TFEC: variants seen among roughly 807,000 people sequenced by gnomAD.
The protein encoded by TFEC is transcription factor EC.
TFEC carries 31 observed loss-of-function variants against 41.6 expected under a neutral mutation model. The observed-to-expected ratio is 0.74, with a 90% CI of 0.56 to 1.01. The LOEUF (loss-of-function observed/expected upper bound fraction) is 1.01. Ranked by LOEUF, TFEC falls within the 50% of genes least tolerant of loss-of-function variation. The pLI is 0.00. For synonymous variants in TFEC, 143 were observed against 140.6 expected, an observed-to-expected ratio of 1.02 and a Z score of -0.12; for missense variants, 402 against 404.1, an observed-to-expected ratio of 0.99 and a Z score of 0.04.
At chr7:116,010,237 G>A (rs1455750884) in intron 1 of TFEC, among the ~76,000 whole-genome samples, 1 of 152,142 alleles carries the variant, frequency 6.6e-6, no homozygotes, top group Non-Finnish European at 1.5e-5. Flanking sequence ...TTTAATAAAG[G>A]GAGGGGCAAA....
chr7:116,080,976 AGTGTGTGTGTGT>A (rs60317630), intron 3 of TFEC, among the ~76,000 whole-genome samples: 4 of 137,944 alleles, frequency 2.9e-5, no homozygotes, highest in Non-Finnish European at 4.7e-5. Flanking sequence ...AAGAAAATGT[AGTGTGTGTGTGT>A]GTGTGTGTGT....
intron 1 of TFEC, among the ~76,000 whole-genome samples, chr7:116,137,040 T>C (rs1798446559): frequency 6.6e-6 from 1 of 152,102 alleles, no homozygotes; most frequent in African/African-American, 2.4e-5. Flanking sequence ...TTTAAAGTTG[T>C]TTCTTCTATA....
chr7:115,967,202 A>G (rs1467509376), intron 3 of TFEC, among the ~76,000 whole-genome samples: 1 of 151,650 alleles, frequency 6.6e-6, no homozygotes, highest in East Asian at 1.9e-4. Flanking sequence ...AGAGATAACA[A>G]AAGAAAAAAA....
At chr7:116,142,456 T>TC (rs1412843101) in intron 1 of TFEC, among the ~76,000 whole-genome samples, 2 of 152,116 alleles carry the variant, frequency 1.3e-5, no homozygotes, top group African/African-American at 4.8e-5. Context: ...ACTGTATGAC[T>TC]CCCACCGCAT....
intron 3 of TFEC, among the ~76,000 whole-genome samples, chr7:116,104,492 CAG>C (rs547364786): frequency 7.1e-4 from 108 of 152,262 alleles, no homozygotes; most frequent in African/African-American, 2.5e-3. Flanking sequence ...TACTCATTAT[CAG>C]AGAGTGCTAG....
At chr7:115,983,496 T>C (rs973009566) in intron 2 of TFEC, among the ~76,000 whole-genome samples, 3 of 152,068 alleles carry the variant, frequency 2.0e-5, no homozygotes, top group African/African-American at 7.2e-5. Flanking sequence ...TGGGAGATCA[T>C]AGGACCATAG....
chr7:116,060,909 A>T (rs73220439), intron 3 of TFEC, among the ~76,000 whole-genome samples: 27,199 of 152,116 alleles, frequency 0.18, 2,484 homozygotes, highest in East Asian at 0.32. Context: ...TAAGTGTGAC[A>T]AAATATGTGA....
intron 3 of TFEC, among the ~76,000 whole-genome samples, chr7:116,057,204 T>C (rs1259980411): frequency 2.0e-5 from 3 of 152,010 alleles, no homozygotes; most frequent in Non-Finnish European, 2.9e-5. Flanking sequence ...ATGTATATCA[T>C]TACAGTTCCC....
chr7:116,013,490 C>A (rs1795078262), intron 1 of TFEC, among the ~76,000 whole-genome samples: 1 of 152,100 alleles, frequency 6.6e-6, no homozygotes, highest in South Asian at 2.1e-4. Context: ...CTGAAAGCTT[C>A]AGAATGCAAA....
intron 3 of TFEC, among the ~76,000 whole-genome samples, chr7:116,073,568 C>T (rs902680112): frequency 1.3e-5 from 2 of 151,572 alleles, no homozygotes; most frequent in African/African-American, 2.4e-5. Context: ...CCAAGTTGAT[C>T]TACAGATTCA....
At chr7:115,981,128 A>C (rs1034954319) in intron 2 of TFEC, among the ~76,000 whole-genome samples, 1 of 151,872 alleles carries the variant, frequency 6.6e-6, no homozygotes, top group African/African-American at 2.4e-5. Flanking sequence ...CTGTAGCCCC[A>C]CCCTAATCCT....
chr7:115,967,442 G>A (rs1047395946), intron 3 of TFEC, among the ~76,000 whole-genome samples: 3 of 151,764 alleles, frequency 2.0e-5, no homozygotes, highest in African/African-American at 4.8e-5. Context: ...CACAATGCAT[G>A]CAAAAAATTG....
chr7:116,046,940 T>C (rs1796180175), intron 3 of TFEC, among the ~76,000 whole-genome samples: 1 of 152,206 alleles, frequency 6.6e-6, no homozygotes, highest in South Asian at 2.1e-4. Flanking sequence ...TCAGGGAGAA[T>C]ACCATTTTAT....
chr7:116,065,780 A>G (rs1677767227), intron 3 of TFEC, among the ~76,000 whole-genome samples: 1 of 152,176 alleles, frequency 6.6e-6, no homozygotes, highest in Non-Finnish European at 1.5e-5. Context: ...TAGACTTTTA[A>G]TTACAGCACA....
At chr7:116,093,966 AT>A (rs1262023619) in intron 3 of TFEC, among the ~76,000 whole-genome samples, 3 of 152,292 alleles carry the variant, frequency 2.0e-5, no homozygotes, top group South Asian at 4.1e-4. Context: ...TTCATTTTCC[AT>A]TTTCCCCAGG....
At chr7:116,033,986 T>C (rs770822796), upstream of TFEC, among the ~76,000 whole-genome samples, 2 of 152,154 alleles carry the variant, frequency 1.3e-5, no homozygotes, top group Non-Finnish European at 2.9e-5. Flanking sequence ...TTGTCAGGAC[T>C]AGCAATGACC....
At chr7:115,989,602 T>C (rs1384733197) in intron 1 of TFEC, among the ~76,000 whole-genome samples, 1 of 152,190 alleles carries the variant, frequency 6.6e-6, no homozygotes, top group Non-Finnish European at 1.5e-5. Flanking sequence ...GAGGGTCCCA[T>C]GCCCACGGAG....
chr7:115,966,666 C>T (rs1792864809), intron 3 of TFEC, among the ~76,000 whole-genome samples: 1 of 151,774 alleles, frequency 6.6e-6, no homozygotes, highest in African/African-American at 2.4e-5. Flanking sequence ...TCTTTATTAT[C>T]TACCCTATAG....
In TFEC at chr7:116,076,050, G is replaced by T. The variant is rs559370065; in HGVS notation, c.198+34658C>A. Among the ~76,000 whole-genome samples the T allele has an allele frequency of 5.8e-4, 88 of 152,264 alleles. 1 individual carries two copies. Among genetic ancestry groups the T allele is most frequent in the African/African-American group, 2.0e-3 (85 of 41,544 alleles). ...TCCCTTGCTACCTCCACTGGAACAG[G>T]TGCTGTTATCCACGGCTGAAAGACC... On this transcript the variant is annotated intron_variant, in intron 3 of 8. Coordinates refer to the TFEC transcript ENST00000484212.
Sources: allele counts gnomAD v4.1 joint callset (sites outside exome capture counted in the v4.1 genomes callset), GRCh38; gene constraint gnomAD v4.1.1; transcripts MANE v1.5; gene names NCBI Gene and HGNC (gene_info 2026-07-23, HGNC 2026-07-21).